The following INSL6 variants were observed in gnomAD, a reference collection of about 807,000 sequenced individuals.
INSL6 encodes insulin like 6.
In INSL6, 16 loss-of-function variants were observed where a neutral mutation model predicts 9.4. That is an observed-to-expected ratio of 1.70 (90% CI 1.15 to 2.59). INSL6 has a LOEUF of 2.59. INSL6 is among the 30% of genes most tolerant of loss of function. INSL6 has a pLI of 0.00. For missense variants in INSL6, 391 were observed against 257.3 expected (o/e 1.52, Z -3.56); for synonymous variants, 154 against 96.9 (o/e 1.59, Z -3.46).
chr9:5,054,542 T>C, the INSL6 span: 1 of 1,532,440 alleles, frequency 6.5e-7, no homozygotes, highest in Non-Finnish European at 8.8e-7. The surrounding 1 kb of genome is among the most constrained non-coding windows in gnomAD (Gnocchi z 4.9). Flanking sequence ...TGTTTTTCTG[T>C]ATGTGCTTTT....
At chr9:5,157,136 T>C (rs1222268642) in intron 2 of INSL6, among the ~76,000 whole-genome samples, 1 of 152,122 alleles carries the variant, frequency 6.6e-6, no homozygotes, top group Non-Finnish European at 1.5e-5. Flanking sequence ...ATGGAAAATA[T>C]ATAATACCAT....
chr9:5,143,593 T>G (rs1468897763), intron 2 of INSL6, among the ~76,000 whole-genome samples: 1 of 152,154 alleles, frequency 6.6e-6, no homozygotes, highest in African/African-American at 2.4e-5. Context: ...TCTTTTTTAG[T>G]CTAGCTACTG....
the INSL6 span, among the ~76,000 whole-genome samples, chr9:5,030,919 T>C: frequency 1.2e-3 from 176 of 152,166 alleles, no homozygotes; most frequent in African/African-American, 4.1e-3. Context: ...AAATAATAGA[T>C]GTACAAAAAT....
chr9:4,998,689 C>CTTA, the INSL6 span, among the ~76,000 whole-genome samples: 5 of 151,442 alleles, frequency 3.3e-5, no homozygotes, highest in African/African-American at 1.2e-4. Context: ...CATCATTAAG[C>CTTA]ATGATTCTAA....
chr9:5,047,285 C>T, the INSL6 span, among the ~76,000 whole-genome samples: 1 of 151,958 alleles, frequency 6.6e-6, no homozygotes, highest in Non-Finnish European at 1.5e-5. Flanking sequence ...CTTTAAATAA[C>T]CAAAAAATAG....
At chr9:5,039,063 A>G in the INSL6 span, among the ~76,000 whole-genome samples, 1 of 152,146 alleles carries the variant, frequency 6.6e-6, no homozygotes, top group Non-Finnish European at 1.5e-5. Context: ...CTTATTAGTG[A>G]AAGACTGAAT....
At chr9:5,085,738 T>C in the INSL6 span, 48 of 753,750 alleles carry the variant, frequency 6.4e-5, no homozygotes, top group South Asian at 9.7e-5. Flanking sequence ...ATTAAGGCTG[T>C]GGCGCGCTGG....
chr9:5,147,405 T>A (rs1446429215), intron 2 of INSL6, among the ~76,000 whole-genome samples: 1 of 152,140 alleles, frequency 6.6e-6, no homozygotes, highest in African/African-American at 2.4e-5. Context: ...GCAAGGAAGG[T>A]TCTGCTGCAG....
the INSL6 span, among the ~76,000 whole-genome samples, chr9:5,012,965 G>A: frequency 2.0e-5 from 3 of 152,120 alleles, no homozygotes; most frequent in African/African-American, 2.4e-5. Flanking sequence ...GCTGTTTAGT[G>A]TATGATGGTA....
intron 2 of INSL6, among the ~76,000 whole-genome samples, chr9:5,135,478 C>A (rs1824372911): frequency 6.6e-6 from 1 of 152,106 alleles, no homozygotes; most frequent in Non-Finnish European, 1.5e-5. Flanking sequence ...CACTCAAAAC[C>A]ACACAACTAC....
the INSL6 span, chr9:5,069,127 T>C: frequency 5.6e-6 from 9 of 1,613,130 alleles, no homozygotes; most frequent in African/African-American, 8.0e-5. Context: ...TAAAGATCTT[T>C]TGAATTGTTA....
intron 1 of INSL6, among the ~76,000 whole-genome samples, chr9:5,179,709 T>G (rs1447436730): frequency 6.6e-6 from 1 of 151,638 alleles, no homozygotes; most frequent in Admixed American, 6.6e-5. Flanking sequence ...ATGGATGGAG[T>G]TGGAAACCAT....
At position 5,174,583 on chromosome 9, in the gene INSL6, G is replaced by A. The variant is rs1035284236; in HGVS notation, c.290-10318C>T. Reference sequence around the variant, plus strand: ...ACTTATTATTGTTGGTGTTTCTGAGGACTCAGTTCTTAGTACTATTTTCTA... The same window carrying A: ...ACTTATTATTGTTGGTGTTTCTGAGAACTCAGTTCTTAGTACTATTTTCTA... On this transcript the variant is annotated intron_variant, in intron 1 of 1. Transcript: ENST00000381641. Among the ~76,000 whole-genome samples, 7 of 152,158 alleles carry A rather than the reference G, an allele frequency of 4.6e-5. No individual in the cohort carries two copies. The South Asian group carries it at 1.5e-3, about 32-fold the overall frequency.
At chr9:5,032,001 C>T in the INSL6 span, among the ~76,000 whole-genome samples, 2 of 152,252 alleles carry the variant, frequency 1.3e-5, no homozygotes, top group South Asian at 2.1e-4. Flanking sequence ...AGGGAATTCC[C>T]TTTCCTAGTC....
downstream of INSL6, among the ~76,000 whole-genome samples, chr9:5,159,513 T>C (rs575212422): frequency 5.3e-5 from 8 of 152,160 alleles, no homozygotes; most frequent in African/African-American, 1.9e-4. Flanking sequence ...CTACTTATAT[T>C]AGACAAATTA....
the INSL6 span, among the ~76,000 whole-genome samples, chr9:5,015,528 TTTTTC>T: frequency 1.2e-5 from 1 of 80,348 alleles, no homozygotes; most frequent in Admixed American, 1.2e-4. Context: ...ATTCTTTTTC[TTTTTC>T]TTTTCTTTTT....
chr9:5,185,397 G>T lies in INSL6; in HGVS notation c.206C>A (p.Ser69Ter), dbSNP rs1157454272. The change falls in exon 1 of 2, where the codon TCG (serine) becomes TAG (stop). Residue 69 changes from serine (S) to a stop codon, truncating the protein, a stop_gained. Transcript: ENST00000381641. LOFTEE classifies it high-confidence loss of function. Reference sequence around the variant, plus strand: ...TGGGCTGTAGGCTTCGACCTTCTCCGAGGCCTGTGCAATCAACCGTGAGAA... The same window carrying T: ...TGGGCTGTAGGCTTCGACCTTCTCCTAGGCCTGTGCAATCAACCGTGAGAA... ...TPFSRLIAQA[S>*]EKVEAYSPYQ... The T allele has an allele frequency of 6.2e-7, 1 of 1,614,122 alleles. No individual in the cohort carries two copies. The highest frequency in any genetic ancestry group is 2.2e-5 in the East Asian group (1 of 44,874).
At chr9:5,082,620 C>T in the INSL6 span, among the ~76,000 whole-genome samples, 2 of 152,254 alleles carry the variant, frequency 1.3e-5, no homozygotes, top group Non-Finnish European at 2.9e-5. Flanking sequence ...AGGTCTTTCC[C>T]ATCCCACGAG....
At chr9:5,067,886 G>T in the INSL6 span, among the ~76,000 whole-genome samples, 22 of 152,128 alleles carry the variant, frequency 1.4e-4, no homozygotes, top group Non-Finnish European at 2.6e-4. Context: ...AGGTGTGGTG[G>T]CTCACACCTG....
Sources: allele counts gnomAD v4.1 joint callset (sites outside exome capture counted in the v4.1 genomes callset), GRCh38; gene constraint gnomAD v4.1.1; non-coding constraint Gnocchi (gnomAD v3.1); transcripts MANE v1.5; gene names NCBI Gene and HGNC (gene_info 2026-07-23, HGNC 2026-07-21).